Variants in XYLT1 observed in about 807,000 individuals in gnomAD.
The protein encoded by XYLT1 is xylosyltransferase 1, also known as beta-D-xylosyltransferase 1.
In XYLT1, 36 loss-of-function variants were observed where a neutral mutation model predicts 91.3. The ratio of observed to expected loss-of-function variants is 0.39; its 90% CI spans 0.30 to 0.52. XYLT1 has a LOEUF of 0.52. XYLT1 is among the 20% of genes least tolerant of loss of function. The pLI, the probability that XYLT1 is intolerant of heterozygous loss-of-function variation, is 0.68. For missense variants in XYLT1, 1,242 were observed against 1,284.5 expected (o/e 0.97, Z 0.51); for synonymous variants, 588 against 532.0 (o/e 1.11, Z -1.45).
At chr16:17,417,229 C>T (rs2036189943) in intron 1 of XYLT1, among the ~76,000 whole-genome samples, 1 of 152,172 alleles carries the variant, frequency 6.6e-6, no homozygotes, top group Non-Finnish European at 1.5e-5. Context: ...CTTAATTTAT[C>T]CTCACAACAG....
At chr16:17,138,271 C>G in intron 8 of XYLT1, 84 bp downstream of exon 8, 2 of 1,517,486 alleles carry the variant, frequency 1.3e-6, no homozygotes, top group Non-Finnish European at 1.8e-6. Flanking sequence ...GATAAGATGA[C>G]CTGCAGGTCT....
chr16:17,288,457 G>T (rs551539172), intron 2 of XYLT1, among the ~76,000 whole-genome samples: 1 of 152,030 alleles, frequency 6.6e-6, no homozygotes, highest in Non-Finnish European at 1.5e-5. Flanking sequence ...TGTTCTTCTT[G>T]GGGCTTGTCT....
At chr16:17,338,169 G>A in intron 2 of XYLT1, 4 of 456,350 alleles carry the variant, frequency 8.8e-6, no homozygotes, top group South Asian at 1.5e-5. Flanking sequence ...TGAACTGAAT[G>A]TCCCCTTTTC....
intron 1 of XYLT1, among the ~76,000 whole-genome samples, chr16:17,422,105 C>T (rs911788203): frequency 1.3e-5 from 2 of 152,210 alleles, no homozygotes; most frequent in Non-Finnish European, 2.9e-5. Flanking sequence ...GCCTCAGCCT[C>T]CCGAGTAGCT....
chr16:17,245,034 C>CT (rs141470966), intron 3 of XYLT1, among the ~76,000 whole-genome samples: 6,740 of 152,062 alleles, frequency 0.044, 457 homozygotes, highest in African/African-American at 0.15. Context: ...AAACCACACT[C>CT]TTTTTTTTGA....
intron 3 of XYLT1, among the ~76,000 whole-genome samples, chr16:17,208,456 G>A (rs1298168659): frequency 1.3e-5 from 2 of 152,096 alleles, no homozygotes; most frequent in African/African-American, 2.4e-5. Context: ...AAGTATCTGT[G>A]TATATGTAAT....
intron 3 of XYLT1, among the ~76,000 whole-genome samples, chr16:17,217,692 T>C (rs1037675788): frequency 6.6e-6 from 1 of 152,122 alleles, no homozygotes; most frequent in Non-Finnish European, 1.5e-5. Flanking sequence ...CCAGTGGATG[T>C]TGGATGGAGA....
At chr16:17,313,147 G>A (rs1367306101) in intron 2 of XYLT1, among the ~76,000 whole-genome samples, 2 of 152,216 alleles carry the variant, frequency 1.3e-5, no homozygotes, top group Non-Finnish European at 2.9e-5. Context: ...TCTCGGGACT[G>A]GCCTGGGCTG....
intron 9 of XYLT1, among the ~76,000 whole-genome samples, chr16:17,132,834 TGGAGGTTGCAGAG>T (rs2030544867): frequency 6.6e-6 from 1 of 151,980 alleles, no homozygotes; most frequent in Admixed American, 6.6e-5. Flanking sequence ...ACCTGGGAGG[TGGAGGTTGCAGAG>T]ATCACATCAC....
chr16:17,421,482 T>A (rs2036251134), intron 1 of XYLT1, among the ~76,000 whole-genome samples: 2 of 152,266 alleles, frequency 1.3e-5, no homozygotes, highest in Middle Eastern at 6.8e-3. Flanking sequence ...GTTTTAAGTG[T>A]AGCCCTTAAC....
chr16:17,260,899 C>G (rs977476266), intron 2 of XYLT1, among the ~76,000 whole-genome samples: 1 of 152,174 alleles, frequency 6.6e-6, no homozygotes, highest in African/African-American at 2.4e-5. Flanking sequence ...TTGCTTCTGT[C>G]CTCACCATCC....
chr16:17,266,052 T>G (rs749091541), intron 2 of XYLT1, among the ~76,000 whole-genome samples: 17 of 152,218 alleles, frequency 1.1e-4, no homozygotes, highest in Non-Finnish European at 1.5e-5. Flanking sequence ...AACAATTCGA[T>G]GGACCTTAAG....
chr16:17,173,555 T>C (rs1375810863), intron 5 of XYLT1, among the ~76,000 whole-genome samples: 2 of 152,268 alleles, frequency 1.3e-5, no homozygotes. Flanking sequence ...GCTAGCGCCA[T>C]GTCTGGCATA....
chr16:17,406,852 G>A (rs2036039964), intron 1 of XYLT1, among the ~76,000 whole-genome samples: 1 of 152,016 alleles, frequency 6.6e-6, no homozygotes, highest in African/African-American at 2.4e-5. Flanking sequence ...TATTCTATGT[G>A]CTTGGAATAT....
At chr16:17,409,113 G>C (rs1169715163) in intron 1 of XYLT1, among the ~76,000 whole-genome samples, 1 of 152,196 alleles carries the variant, frequency 6.6e-6, no homozygotes, top group Non-Finnish European at 1.5e-5. Flanking sequence ...CCTTCTAAAA[G>C]TGAACAGAAG....
chr16:17,116,661 A>G (rs1966852851), intron 11 of XYLT1, among the ~76,000 whole-genome samples: 1 of 152,202 alleles, frequency 6.6e-6, no homozygotes, highest in Admixed American at 6.5e-5. Flanking sequence ...TAGGGCCTAT[A>G]CCTTGGGGTC....
At chr16:17,346,314 G>A (rs1424347378) in intron 2 of XYLT1, among the ~76,000 whole-genome samples, 1 of 152,160 alleles carries the variant, frequency 6.6e-6, no homozygotes, top group African/African-American at 2.4e-5. Flanking sequence ...GAGACCCTAG[G>A]AGGATCCAGA....
At chr16:17,397,215 G>A (rs1334607482) in intron 1 of XYLT1, among the ~76,000 whole-genome samples, 2 of 152,148 alleles carry the variant, frequency 1.3e-5, no homozygotes, top group Non-Finnish European at 2.9e-5. Context: ...GCATTTCAGA[G>A]TTATTGAGGA....
At chr16:17,316,111 TC>T (rs904730372) in intron 2 of XYLT1, among the ~76,000 whole-genome samples, 25 of 152,134 alleles carry the variant, frequency 1.6e-4, no homozygotes, top group African/African-American at 6.0e-4. Context: ...CAAACTATTC[TC>T]CCCGAAGCGC....
Sources: allele counts gnomAD v4.1 joint callset (sites outside exome capture counted in the v4.1 genomes callset), GRCh38; gene constraint gnomAD v4.1.1; transcripts MANE v1.5; gene names NCBI Gene and HGNC (gene_info 2026-07-23, HGNC 2026-07-21).